The following SRMS variants were observed in gnomAD, a reference collection of about 807,000 sequenced individuals.
SRMS encodes src-related kinase lacking C-terminal regulatory tyrosine and N-terminal myristylation sites, also known as tyrosine-protein kinase Srms.
A neutral mutation model predicts 43.5 loss-of-function variants in SRMS; 42 were observed. That is an observed-to-expected ratio of 0.97 (90% CI 0.75 to 1.25). The LOEUF (loss-of-function observed/expected upper bound fraction) is 1.25. Among genes scored for constraint, SRMS ranks in the 50% most tolerant of loss-of-function variants. The pLI, the probability that SRMS is intolerant of heterozygous loss-of-function variation, is 0.00. For synonymous variants in SRMS, 316 were observed against 308.2 expected (o/e 1.03, Z -0.27); for missense variants, 703 against 681.0 (o/e 1.03, Z -0.36).
rs1368152126 is a variant in SRMS at position 63,541,202 on chromosome 20, C to T, written c.1274G>A (p.Cys425Tyr). ...LLHEVFTYGQ[C>Y]PYEGMTNHET... Reference sequence around the variant, plus strand: ...GCCTGGGGACCCACCTTCATAGGGACACTGGCCATAGGTGAAAACCTCGTG... The same window carrying T: ...GCCTGGGGACCCACCTTCATAGGGATACTGGCCATAGGTGAAAACCTCGTG... The change falls in exon 7 of 8, where the codon TGT becomes TAT. Residue 425 changes from cysteine to tyrosine, a missense_variant. By Grantham distance (194) the Cys-to-Tyr change is radical (BLOSUM62 -2). Coordinates refer to ENST00000217188, the MANE Select transcript of SRMS (RefSeq NM_080823.4). 3 of 1,558,488 alleles carry T rather than the reference C, an allele frequency of 1.9e-6. No homozygotes were observed. Among genetic ancestry groups the T allele is most frequent in the Non-Finnish European group, 2.6e-6 (3 of 1,157,594 alleles).
intron 5 of SRMS, 124 bp downstream of exon 5, chr20:63,542,039 G>A (rs1320507064): frequency 6.6e-6 from 9 of 1,369,592 alleles, no homozygotes; most frequent in Non-Finnish European, 8.8e-6. Flanking sequence ...TGCAGCCGGG[G>A]CCACCTGCTC....
Position 63,540,767 on chromosome 20 carries a change from G to C in SRMS, c.*51C>G, listed in dbSNP as rs2082698480. On this transcript the variant is annotated 3_prime_UTR_variant, in exon 8 of 8. Transcript: ENST00000217188. ...ATCCCTTCGAGTTGGCGCTCTGCAG[G>C]GAGGAGGGGCTGGCCTGGCTGGAGC... is the stretch of plus-strand genomic sequence containing the variant. 1 of 1,540,416 alleles carries C rather than the reference G, an allele frequency of 6.5e-7. No homozygotes were observed. The highest frequency in any genetic ancestry group is 1.9e-5 in the Admixed American group (1 of 52,964).
At position 63,539,629 on chromosome 20, in the gene SRMS, G is replaced by A. The variant is rs1029849243; in HGVS notation, c.*1189C>T. ...CCCCTTGCTTCTTGACGTGTTTCAC[G>A]AAGACCTGAGCAGAAGCTTCCCTGA... On this transcript the variant is annotated 3_prime_UTR_variant, in exon 8 of 8. Coordinates refer to ENST00000217188, the MANE Select transcript of SRMS (RefSeq NM_080823.4). Among the ~76,000 whole-genome samples the A allele has an allele frequency of 2.0e-5, 3 of 152,130 alleles. No individual in the cohort carries two copies. Among genetic ancestry groups the A allele is most frequent in the African/African-American group, 7.2e-5 (3 of 41,418 alleles).
chr20:63,541,404 C>A, intron 6 of SRMS, 35 bp downstream of exon 6: 9 of 1,565,744 alleles, frequency 5.7e-6, no homozygotes, highest in Non-Finnish European at 7.8e-6. Context: ...CCTCACCCAC[C>A]CCCTCTGGGT....
chr20:63,544,134 T>A, intron 2 of SRMS, 93 bp downstream of exon 2: 3 of 1,322,330 alleles, frequency 2.3e-6, no homozygotes, highest in Non-Finnish European at 2.9e-6. Context: ...CGGGTGTGAA[T>A]CAGGAGCCAG....
Position 63,542,585 on chromosome 20 carries a change from C to T in SRMS, c.646-4G>A. Reference sequence around the variant, plus strand: ...ACACGTCCTGCCTCGGGGCCTTCTGCAGGGAGGGTGGGCAGGGAGGCTGGT... The same window carrying T: ...ACACGTCCTGCCTCGGGGCCTTCTGTAGGGAGGGTGGGCAGGGAGGCTGGT... On this transcript the variant is annotated splice_polypyrimidine_tract_variant and splice_region_variant and intron_variant, in intron 3 of 7. Transcript: ENST00000217188. 1 of 1,604,816 alleles carries T rather than the reference C, an allele frequency of 6.2e-7. No individual in the cohort carries two copies.
At chr20:63,542,625 G>A (rs1481966774) in intron 3 of SRMS, 44 bp from the exon 4 acceptor site, 3 of 1,569,574 alleles carry the variant, frequency 1.9e-6, no homozygotes, top group Non-Finnish European at 2.6e-6. Context: ...GTGGGCCCCT[G>A]TGCTCTGTCC....
chr20:63,540,774 G>GT lies in SRMS; in HGVS notation c.*43_*44insA. The stretch of plus-strand genomic sequence containing the variant: ...CGAGTTGGCGCTCTGCAGGGAGGAG[G>GT]GGCTGGCCTGGCTGGAGCCCAGAGC... On this transcript the variant is annotated 3_prime_UTR_variant, in exon 8 of 8. Transcript: ENST00000217188. 1 of 1,550,508 alleles carries GT rather than the reference G, an allele frequency of 6.4e-7. No homozygotes were observed. The highest frequency in any genetic ancestry group is 8.7e-7 in the Non-Finnish European group (1 of 1,150,326).
chr20:63,541,420 G>T lies in SRMS; in HGVS notation c.1128+19C>A. ...CTCACCCACCCCCTCTGGGTCAGGG[G>T]CCCAGAGCCTCCGCTGACCTTGAGC... On this transcript the variant is annotated intron_variant, in intron 6 of 7. Transcript: ENST00000217188. 2.5e-6 allele frequency: 4 copies of T among 1,586,262 alleles called. No individual in the cohort carries two copies. Among genetic ancestry groups the T allele is most frequent in the Non-Finnish European group, 3.4e-6 (4 of 1,168,782 alleles).
At chr20:63,542,364 A>C (rs772750659) in intron 4 of SRMS, 43 bp from the exon 5 acceptor site, 1 of 1,597,398 alleles carries the variant, frequency 6.3e-7, no homozygotes, top group Admixed American at 1.7e-5. Flanking sequence ...CACGCCACGA[A>C]CATCACTGCC....
chr20:63,539,030 C>A lies in SRMS; in HGVS notation c.*1788G>T, dbSNP rs1366198553. On this transcript the variant is annotated 3_prime_UTR_variant, in exon 8 of 8. Transcript: ENST00000217188. ...GCTGCAGAGAGCACAGAGGGCGAGG[C>A]CTTCTGTGCCAGAGGAGCCCCCAGG... is the stretch of plus-strand genomic sequence containing the variant. Among the ~76,000 whole-genome samples the A allele has an allele frequency of 1.3e-5, 2 of 152,134 alleles. No homozygotes were observed. The highest frequency in any genetic ancestry group is 6.5e-5 in the Admixed American group (1 of 15,278).
rs149640359 is a variant in SRMS, at chr20:63,540,631, G to A, written c.*187C>T. On this transcript the variant is annotated 3_prime_UTR_variant, in exon 8 of 8. Coordinates refer to ENST00000217188, the MANE Select transcript of SRMS (RefSeq NM_080823.4). ...TCCGTCTGCACGAGTCACACTGCACGGGGGACGTCAGCCCCAGCCCTCCGT... is the reference window on the plus strand; with the variant it reads ...TCCGTCTGCACGAGTCACACTGCACAGGGGACGTCAGCCCCAGCCCTCCGT... 0.011 allele frequency among the ~76,000 whole-genome samples: 1,690 copies of A among 152,310 alleles called. 15 individuals are homozygous for A. The highest frequency in any genetic ancestry group is 0.015 in the Non-Finnish European group (997 of 68,016).
intron 1 of SRMS, among the ~76,000 whole-genome samples, chr20:63,545,363 G>T (rs1396576643): frequency 6.6e-6 from 1 of 152,222 alleles, no homozygotes; most frequent in Non-Finnish European, 1.5e-5. Flanking sequence ...ACCCGGAGAG[G>T]GATGCCTGCC....
intron 1 of SRMS, 88 bp from the exon 2 acceptor site, chr20:63,544,436 C>A: frequency 7.3e-7 from 1 of 1,370,632 alleles, no homozygotes; most frequent in South Asian, 1.6e-5. Flanking sequence ...CAGGGCTGAG[C>A]CCGGCTGTCC....
intron 2 of SRMS, 119 bp downstream of exon 2, chr20:63,544,108 G>T: frequency 8.2e-7 from 1 of 1,223,232 alleles, no homozygotes; most frequent in Non-Finnish European, 1.1e-6. Flanking sequence ...ATCTGCTGTT[G>T]GGCCCTCAGT....
At position 63,547,402 on chromosome 20, in the gene SRMS, G is replaced by A. The variant is rs564747393; in HGVS notation, c.62C>T (p.Pro21Leu). ...GCCATGGTCCGGCTCGCCGCCCGCC[G>A]GCCAGATCTTGTCCCAGAAGAAGGA... Reference protein sequence around the residue: ...FLSFFWDKIWPAGGEPDHGTP... With the variant: ...FLSFFWDKIWLAGGEPDHGTP... The change falls in exon 1 of 8, where the codon CCG (proline) becomes CTG (leucine). Residue 21 changes from proline to leucine, a missense_variant. By Grantham distance (98) the Pro-to-Leu change is moderately conservative. Transcript: ENST00000217188. 42 of 1,555,900 alleles carry A rather than the reference G, an allele frequency of 2.7e-5. No individual in the cohort carries two copies. The highest frequency in any genetic ancestry group is 3.9e-5 in the Admixed American group (2 of 50,676).
At chr20:63,541,402 A>C in intron 6 of SRMS, 37 bp downstream of exon 6, 1 of 1,561,988 alleles carries the variant, frequency 6.4e-7, no homozygotes, top group Non-Finnish European at 8.7e-7. Context: ...CCCCTCACCC[A>C]CCCCCTCTGG....
At chr20:63,547,034 CA>C in intron 1 of SRMS, 73 bp downstream of exon 1, 1 of 1,346,212 alleles carries the variant, frequency 7.4e-7, no homozygotes, top group Non-Finnish European at 1.0e-6. Context: ...ATTTCCAACT[CA>C]AAATCCTGCC....
chr20:63,544,490 A>T, intron 1 of SRMS, 142 bp from the exon 2 acceptor site: 9 of 1,116,042 alleles, frequency 8.1e-6, no homozygotes, highest in Non-Finnish European at 8.3e-6. Context: ...TTTGAGTCCC[A>T]GCTCAAGGTC....
Sources: gnomAD v4.1 joint callset for allele counts (sites outside exome capture counted in the v4.1 genomes callset) on GRCh38, gnomAD v4.1.1 for gene constraint, MANE v1.5 for transcripts, NCBI Gene and HGNC (gene_info 2026-07-23, HGNC 2026-07-21) for gene names.